The following SNRNP70 variants were observed in gnomAD, a reference collection of about 807,000 sequenced individuals.
SNRNP70 encodes the protein U1 small nuclear ribonucleoprotein 70 kDa.
SNRNP70 carries 8 observed loss-of-function variants against 50.5 expected under a neutral mutation model. The observed-to-expected ratio is 0.16, with a 90% CI of 0.09 to 0.29. The LOEUF is 0.29. SNRNP70 is among the 10% of genes least tolerant of loss of function. The probability of loss-of-function intolerance (pLI) is 1.00; values close to 1 mark genes in which losing one functional copy is unlikely to be tolerated. For missense variants in SNRNP70, 529 were observed against 663.5 expected, an observed-to-expected ratio of 0.80 and a Z score of 2.23; for synonymous variants, 320 against 252.9, an observed-to-expected ratio of 1.27 and a Z score of -2.52.
Position 49,085,513 on chromosome 19 carries a change from A to G in SNRNP70, c.-134A>G, listed in dbSNP as rs1183958997. The G allele has an allele frequency of 3.1e-5, 14 of 454,946 alleles. No homozygotes were observed. Among genetic ancestry groups the G allele is most frequent in the Admixed American group, 1.6e-4 (7 of 42,520 alleles). The allele number at this position is 454,946 out of a possible 1,614,324, so 28.2% of individuals were successfully genotyped here. A position where few individuals can be genotyped will look rare whatever the true frequency, so the allele number is the denominator to read the frequency against. The stretch of plus-strand genomic sequence containing the variant: ...GCCTGGTGCGCTCGCTTAGCGGGCG[A>G]CGGAATCAGACGGACGTGGACGCCC... On this transcript the variant is annotated 5_prime_UTR_variant, in exon 1 of 10. Transcript: ENST00000598441.
rs890699338 is a variant in SNRNP70 at position 49,085,630 on chromosome 19, C to T, written c.-17C>T. ...GACAGACGCCAGAGCGAGGAGGGCG[C>T]TACGCGGTGAGTGAGTGTGACTGAG... On this transcript the variant is annotated 5_prime_UTR_variant, in exon 1 of 10. Transcript: ENST00000598441. The T allele has an allele frequency of 2.6e-4, 119 of 456,066 alleles. No individual in the cohort carries two copies. The Admixed American group carries it at 2.8e-3, about 11-fold the overall frequency. 28.3% of individuals were successfully genotyped at this position (456,066 alleles called of 1,614,324 possible). A position where few individuals can be genotyped will look rare whatever the true frequency, so the allele number is the denominator to read the frequency against.
chr19:49,090,154 G>A, intron 2 of SNRNP70, 137 bp from the exon 3 acceptor site: 1 of 727,858 alleles, frequency 1.4e-6, no homozygotes, highest in Non-Finnish European at 2.4e-6. Flanking sequence ...CCTCCACTGT[G>A]TCAGGGGAAG....
At chr19:49,092,699 G>A (rs1235148308) in intron 4 of SNRNP70, among the ~76,000 whole-genome samples, 2 of 152,000 alleles carry the variant, frequency 1.3e-5, no homozygotes, top group African/African-American at 2.4e-5. Context: ...ATGAGCCACC[G>A]CAGCCGGCCT....
chr19:49,092,893 C>T (rs943972862), intron 4 of SNRNP70, among the ~76,000 whole-genome samples: 8 of 139,972 alleles, frequency 5.7e-5, no homozygotes, highest in African/African-American at 2.0e-4. Flanking sequence ...AGCCATTGTG[C>T]TCAGCCTCTT....
chr19:49,099,306 C>T (rs2040551507), intron 6 of SNRNP70, among the ~76,000 whole-genome samples: 1 of 152,138 alleles, frequency 6.6e-6, no homozygotes, highest in Non-Finnish European at 1.5e-5. Flanking sequence ...ACATGTCAGG[C>T]CGGGTGCAAT....
chr19:49,106,832 C>T (rs2040675992), intron 8 of SNRNP70, among the ~76,000 whole-genome samples: 1 of 152,166 alleles, frequency 6.6e-6, no homozygotes, highest in African/African-American at 2.4e-5. Context: ...CCTTTCTATA[C>T]CAGCTGCAGC....
rs146031499 is a variant in SNRNP70, at chr19:49,092,098, TTTTGTTTG to T, written c.265+1598_265+1605del. ...AGTCTTAACTAGTTTACCTATGTCTTTTTGTTTGTTTGTTTGTTTGTTTGTTTTTTGGA... is the reference window on the plus strand; with the variant it reads ...AGTCTTAACTAGTTTACCTATGTCTTTTTGTTTGTTTGTTTGTTTTTTGGA... On this transcript the variant is annotated intron_variant, in intron 4 of 9. Coordinates refer to ENST00000598441, the MANE Select transcript of SNRNP70 (RefSeq NM_003089.6). Among the ~76,000 whole-genome samples the T allele has an allele frequency of 4.5e-3, 679 of 151,850 alleles. 6 individuals are homozygous for T. Among genetic ancestry groups the T allele is most frequent in the African/African-American group, 0.014 (595 of 41,378 alleles).
intron 4 of SNRNP70, among the ~76,000 whole-genome samples, chr19:49,094,841 A>G (rs1476844570): frequency 6.6e-6 from 1 of 152,226 alleles, no homozygotes; most frequent in Non-Finnish European, 1.5e-5. Context: ...TTTAAGATAA[A>G]GAAATGGAGG....
chr19:49,090,319 G>C lies in SNRNP70; in HGVS notation c.176G>C (p.Arg59Pro). Reference sequence around the variant, plus strand: ...CCTCGAGATGCCCCTCCTCCAACTCGTGCTGAAACCCGAGAGGAGCGCATG... The same window carrying C: ...CCTCGAGATGCCCCTCCTCCAACTCCTGCTGAAACCCGAGAGGAGCGCATG... ...EDPRDAPPPT[R>P]AETREERMER... The change falls in exon 3 of 10, where the codon CGT becomes CCT. Residue 59 changes from arginine to proline, a missense_variant. Arg to Pro is a moderately radical substitution (Grantham distance 103). Around this residue, in one of 4 missense-constraint regions of SNRNP70, gnomAD observed 149 missense variants for 259.7 expected, o/e 0.57. Coordinates refer to ENST00000598441, the MANE Select transcript of SNRNP70 (RefSeq NM_003089.6). 1 of 1,613,678 alleles carries C rather than the reference G, an allele frequency of 6.2e-7. No individual in the cohort carries two copies. Among genetic ancestry groups the C allele is most frequent in the Non-Finnish European group, 8.5e-7 (1 of 1,179,950 alleles).
rs905245814 is a variant in SNRNP70 at position 49,102,281 on chromosome 19, C to T, written c.475+810C>T. The T allele has an allele frequency of 4.2e-5, 32 of 760,178 alleles. 1 individual carries two copies. The East Asian group carries it at 4.6e-4, about 11-fold the overall frequency. The allele number at this position is 760,178 out of a possible 1,614,324, so 47.1% of individuals were successfully genotyped here. A position where few individuals can be genotyped will look rare whatever the true frequency, so the allele number is the denominator to read the frequency against. On this transcript the variant is annotated intron_variant, in intron 7 of 9. Coordinates refer to ENST00000598441, the MANE Select transcript of SNRNP70 (RefSeq NM_003089.6). ...GAGGCGCCCCTCCTCCCACCCCAGT[C>T]GCCCCCGTAGCCTCCCCGCACCCAT... is the stretch of plus-strand genomic sequence containing the variant.
rs757910402 is a variant in SNRNP70 at position 49,098,733 on chromosome 19, T to G, written c.393+29T>G. The G allele has an allele frequency of 4.2e-5, 67 of 1,584,474 alleles. No homozygotes were observed. In the African/African-American group the frequency reaches 8.6e-4, roughly 20 times the overall value. On this transcript the variant is annotated intron_variant, in intron 6 of 9. Coordinates refer to ENST00000598441, the MANE Select transcript of SNRNP70 (RefSeq NM_003089.6). ...AGTGGAGTGGGTCAGGGTGTTTGAA[T>G]TGGGGGTGCATGGAGGAGGGGCTGT... is the stretch of plus-strand genomic sequence containing the variant.
chr19:49,095,000 T>C (rs1467595149), intron 4 of SNRNP70, among the ~76,000 whole-genome samples: 1 of 152,236 alleles, frequency 6.6e-6, no homozygotes. Context: ...AGTGATGTCC[T>C]GAGGGAGAGC....
chr19:49,097,182 A>T (rs146048809), intron 4 of SNRNP70, among the ~76,000 whole-genome samples: 1 of 152,060 alleles, frequency 6.6e-6, no homozygotes, highest in African/African-American at 2.4e-5. Context: ...CAACACCCAC[A>T]CTGTCTTCCT....
intron 7 of SNRNP70, chr19:49,101,979 G>T (rs2040594381): frequency 7.4e-6 from 3 of 406,396 alleles, no homozygotes; most frequent in Non-Finnish European, 1.4e-5. Context: ...TTGAGCGCCT[G>T]CCCCTACAGT....
At chr19:49,085,685 A>G (rs1473574890) in intron 1 of SNRNP70, 49 bp downstream of exon 1, 3 of 454,652 alleles carry the variant, frequency 6.6e-6, no homozygotes, top group Non-Finnish European at 1.3e-5. Flanking sequence ...GCCGCTACCC[A>G]GAAGCCCCAG....
rs1403178463 is a variant in SNRNP70 at position 49,104,494 on chromosome 19, A to G, written c.476-140A>G. ...TTGGGAGAGGGTTGGTCTGGCTGTCAGTTGCCTGGCTGTCTGTTGGGCGTG... is the reference window on the plus strand; with the variant it reads ...TTGGGAGAGGGTTGGTCTGGCTGTCGGTTGCCTGGCTGTCTGTTGGGCGTG... On this transcript the variant is annotated intron_variant, in intron 7 of 9. Transcript: ENST00000598441. The surrounding 1 kb of genome is among the most constrained non-coding windows in gnomAD (Gnocchi z 5.4). The G allele has an allele frequency of 4.4e-6, 3 of 677,378 alleles. No individual in the cohort carries two copies. Among genetic ancestry groups the G allele is most frequent in the Non-Finnish European group, 7.9e-6 (3 of 378,162 alleles). 42.0% of individuals were successfully genotyped at this position (677,378 alleles called of 1,614,324 possible).
chr19:49,091,417 T>A (rs1235284856), intron 4 of SNRNP70, among the ~76,000 whole-genome samples: 2 of 152,058 alleles, frequency 1.3e-5, no homozygotes, highest in Non-Finnish European at 2.9e-5. Context: ...ACCCTTTCTA[T>A]GCTTTGATAA....
rs1205258376 is a variant in SNRNP70 at position 49,108,249 on chromosome 19, C to G, written c.1120C>G (p.Arg374Gly). 1 of 1,545,438 alleles carries G rather than the reference C, an allele frequency of 6.5e-7. No homozygotes were observed. Residue 374 changes from arginine (R) to glycine (G), a missense_variant, in exon 10 of 10, where the codon CGT becomes GGT. By Grantham distance (125) the Arg-to-Gly change is moderately radical. Around this residue, in one of 4 missense-constraint regions of SNRNP70, gnomAD observed 327 missense variants for 308.8 expected, o/e 1.06. Coordinates refer to ENST00000598441, the MANE Select transcript of SNRNP70 (RefSeq NM_003089.6). ...RRRDRDRDRD[R>G]DREHKRGERG... is the part of the protein sequence containing the mutation. ...CCGGGACCGGGATCGTGACCGTGAC[C>G]GTGACCGCGAGCACAAACGGGGGGA...
intron 7 of SNRNP70, chr19:49,102,049 G>A (rs1410205584): frequency 1.2e-6 from 1 of 820,246 alleles, no homozygotes. Flanking sequence ...GTGGGGGAGG[G>A]TGGGCAGGGC....
Sources: allele counts gnomAD v4.1 joint callset (sites outside exome capture counted in the v4.1 genomes callset), GRCh38; gene constraint gnomAD v4.1.1; regional missense constraint gnomAD v4.1.1; non-coding constraint Gnocchi (gnomAD v3.1); transcripts MANE v1.5; gene names NCBI Gene and HGNC (gene_info 2026-07-23, HGNC 2026-07-21).